CNTNAP5: variants seen among roughly 807,000 people sequenced by gnomAD.
CNTNAP5 encodes contactin associated protein family member 5.
In CNTNAP5, 72 loss-of-function variants were observed where a neutral mutation model predicts 150.2. The observed-to-expected ratio is 0.48, with a 90% CI of 0.40 to 0.58. The LOEUF (loss-of-function observed/expected upper bound fraction) is 0.58. Among genes scored for constraint, CNTNAP5 ranks in the 20% least tolerant of loss-of-function variants. The pLI, the probability that CNTNAP5 is intolerant of heterozygous loss-of-function variation, is 0.00. For synonymous variants in CNTNAP5, 672 were observed against 619.8 expected (o/e 1.08, Z -1.25); for missense variants, 1,636 against 1,626.2 (o/e 1.01, Z -0.10).
At chr2:124,061,386 T>A (rs1682006553) in intron 1 of CNTNAP5, among the ~76,000 whole-genome samples, 1 of 152,206 alleles carries the variant, frequency 6.6e-6, no homozygotes, top group Admixed American at 6.5e-5. Flanking sequence ...GTCTGACTAG[T>A]GGTATTCATC....
intron 3 of CNTNAP5, among the ~76,000 whole-genome samples, chr2:124,265,189 G>A (rs1687573323): frequency 6.6e-6 from 1 of 152,198 alleles, no homozygotes; most frequent in Admixed American, 6.5e-5. Context: ...AGGTGCACAA[G>A]GATGTGAATA....
intron 13 of CNTNAP5, among the ~76,000 whole-genome samples, chr2:124,659,212 C>A (rs527630879): frequency 2.2e-4 from 34 of 152,232 alleles, no homozygotes; most frequent in Admixed American, 8.5e-4. Flanking sequence ...TACAGGGGTG[C>A]CTTTCTGAAC....
chr2:124,902,799 A>G, intron 21 of CNTNAP5, 83 bp from the exon 22 acceptor site: 1 of 873,350 alleles, frequency 1.1e-6, no homozygotes. Context: ...CTGTAATTTT[A>G]GATACTACTC....
At chr2:124,188,747 C>G (rs1428462000) in intron 1 of CNTNAP5, among the ~76,000 whole-genome samples, 1 of 136,032 alleles carries the variant, frequency 7.4e-6, no homozygotes, top group African/African-American at 2.8e-5. Flanking sequence ...AAGACAGGAA[C>G]AGTGACAAAG....
intron 3 of CNTNAP5, among the ~76,000 whole-genome samples, chr2:124,364,497 T>G (rs1258023490): frequency 6.6e-6 from 1 of 152,178 alleles, no homozygotes; most frequent in African/African-American, 2.4e-5. Context: ...TGTCTCTGCC[T>G]AAACTTCTGC....
rs147749792 is a variant in CNTNAP5 at position 124,196,177 on chromosome 2, T to A, written c.83-25528T>A. On this transcript the variant is annotated intron_variant, in intron 1 of 23. Transcript: ENST00000682447. The stretch of plus-strand genomic sequence containing the variant: ...CTTAAATTGTTCAAGATATTACCTC[T>A]GATGAAGAAGAAATGGAGCTGTCAC... 5.9e-5 allele frequency among the ~76,000 whole-genome samples: 9 copies of A among 152,236 alleles called. No individual in the cohort carries two copies. The East Asian group carries it at 1.5e-3, about 26-fold the overall frequency.
In CNTNAP5 at chr2:124,918,202, A is replaced by C; in HGVS notation, c.*3914A>C. On this transcript the variant is annotated 3_prime_UTR_variant, in exon 24 of 24. Transcript: ENST00000682447. ...TTGGCCCCTCTCCTTCCCTTTTCTC[A>C]GTTCTTCCACAGCCATGTGTTTATG... Among the ~76,000 whole-genome samples, 1 of 151,840 alleles carries C rather than the reference A, an allele frequency of 6.6e-6. No homozygotes were observed. Among genetic ancestry groups the C allele is most frequent in the East Asian group, 2.0e-4 (1 of 5,128 alleles).
rs183914919 is a variant in CNTNAP5, at chr2:124,823,444, C to T, written c.3217+25124C>T. Among the ~76,000 whole-genome samples the T allele has an allele frequency of 1.2e-4, 18 of 152,216 alleles. 1 individual carries two copies. Among genetic ancestry groups the T allele is most frequent in the Admixed American group, 1.1e-3 (17 of 15,282 alleles). On this transcript the variant is annotated intron_variant, in intron 19 of 23. Transcript: ENST00000682447. ...CTTTCAAAGACCGTCACCACACCAG[C>T]TCCATGCCCTACTGGTTACGTACAG...
intron 13 of CNTNAP5, among the ~76,000 whole-genome samples, chr2:124,719,190 TA>T (rs1427566455): frequency 1.3e-5 from 2 of 152,168 alleles, no homozygotes; most frequent in Non-Finnish European, 2.9e-5. Context: ...TCTCCAGCTA[TA>T]AAATGGCATA....
intron 3 of CNTNAP5, among the ~76,000 whole-genome samples, chr2:124,403,582 A>C (rs972739255): frequency 6.6e-6 from 1 of 152,160 alleles, no homozygotes; most frequent in African/African-American, 2.4e-5. Flanking sequence ...GGGTTACTGA[A>C]ATCCATTTCA....
At chr2:124,315,872 T>A (rs72964639) in intron 3 of CNTNAP5, among the ~76,000 whole-genome samples, 6,185 of 152,072 alleles carry the variant, frequency 0.041, 337 homozygotes, top group African/African-American at 0.12. Context: ...AGAAAAAAAA[T>A]TTCTAGGAGT....
chr2:124,194,618 C>CA (rs1292285628), intron 1 of CNTNAP5, among the ~76,000 whole-genome samples: 1 of 150,436 alleles, frequency 6.6e-6, no homozygotes, highest in African/African-American at 2.4e-5. Context: ...ACTGAATCCA[C>CA]AAAAAAATTT....
intron 10 of CNTNAP5, among the ~76,000 whole-genome samples, chr2:124,556,474 G>A (rs1695757922): frequency 1.3e-5 from 2 of 152,142 alleles, no homozygotes; most frequent in African/African-American, 2.4e-5. Context: ...ATAGTCTTAA[G>A]GCTAGTTTAA....
intron 1 of CNTNAP5, among the ~76,000 whole-genome samples, chr2:124,180,188 C>T (rs1001157045): frequency 2.0e-5 from 3 of 152,054 alleles, no homozygotes; most frequent in African/African-American, 7.2e-5. Context: ...TGTCAAAGAG[C>T]CTGCATGGCT....
At chr2:124,291,970 A>T (rs913266655) in intron 3 of CNTNAP5, among the ~76,000 whole-genome samples, 10 of 152,106 alleles carry the variant, frequency 6.6e-5, no homozygotes, top group African/African-American at 1.7e-4. Flanking sequence ...TTAAACTTAA[A>T]ATTGACTCAT....
chr2:124,540,791 A>G (rs1219719100), intron 10 of CNTNAP5, among the ~76,000 whole-genome samples: 2 of 152,138 alleles, frequency 1.3e-5, no homozygotes, highest in Admixed American at 1.3e-4. Flanking sequence ...ACAGTAGACA[A>G]TCTCTAACTT....
At chr2:124,744,228 T>C (rs1341338141) in intron 13 of CNTNAP5, among the ~76,000 whole-genome samples, 1 of 152,012 alleles carries the variant, frequency 6.6e-6, no homozygotes, top group Non-Finnish European at 1.5e-5. Context: ...GAATAAGTCT[T>C]ACAAGATCTG....
At chr2:124,268,760 G>A (rs769247329) in intron 3 of CNTNAP5, among the ~76,000 whole-genome samples, 5 of 152,110 alleles carry the variant, frequency 3.3e-5, no homozygotes, top group African/African-American at 1.2e-4. Context: ...CTACACCTTG[G>A]TCCCATAGGT....
At chr2:124,274,051 T>C (rs141747296) in intron 3 of CNTNAP5, among the ~76,000 whole-genome samples, 2 of 152,310 alleles carry the variant, frequency 1.3e-5, no homozygotes, top group African/African-American at 4.8e-5. Context: ...TGACATCAAC[T>C]TAGCAATATA....
Sources: allele counts gnomAD v4.1 joint callset (sites outside exome capture counted in the v4.1 genomes callset), GRCh38; gene constraint gnomAD v4.1.1; transcripts MANE v1.5; gene names NCBI Gene and HGNC (gene_info 2026-07-23, HGNC 2026-07-21).